TPGS2: variants seen among roughly 807,000 people sequenced by gnomAD.
TPGS2 encodes polyglutamylase subunit 2.
Under a neutral mutation model 31.1 loss-of-function variants are expected in TPGS2, and 26 were observed. That is an observed-to-expected ratio of 0.84 (90% CI 0.61 to 1.16). TPGS2 has a LOEUF of 1.16. TPGS2 is among the 50% of genes most tolerant of loss of function. The pLI, the probability that TPGS2 is intolerant of heterozygous loss-of-function variation, is 0.00. For synonymous variants in TPGS2, 130 were observed against 136.6 expected, an observed-to-expected ratio of 0.95 and a Z score of 0.34; for missense variants, 351 against 363.8, an observed-to-expected ratio of 0.96 and a Z score of 0.29.
At chr18:36,826,188 C>T (rs2046127113) in intron 1 of TPGS2, among the ~76,000 whole-genome samples, 1 of 152,014 alleles carries the variant, frequency 6.6e-6, no homozygotes, top group African/African-American at 2.4e-5. Flanking sequence ...AGGCATGCAC[C>T]ACCACACATG....
chr18:36,796,820 G>A lies in TPGS2; in HGVS notation c.888C>T (p.Asn296=). ...GGAGGGGTGCTCACTTCCGGGTGGG[G>A]TTTCCAGAGCCAGAGGAGGATTTAG... The part of the protein sequence containing the change: ...STSKSSSGSG[N]PTRK The change falls in exon 7 of 7, where the codon AAC becomes AAT. Residue 296 remains asparagine (N), a synonymous_variant. Coordinates refer to ENST00000334295, the MANE Select transcript of TPGS2 (RefSeq NM_015476.4). The A allele has an allele frequency of 2.5e-6, 4 of 1,595,088 alleles. No homozygotes were observed. Among genetic ancestry groups the A allele is most frequent in the Non-Finnish European group, 3.4e-6 (4 of 1,174,784 alleles).
In TPGS2 at chr18:36,818,974, C is replaced by T; in HGVS notation, c.86-1G>A. ...ACCTCAGTCACACCTGGGGAAGATTCTGGAAGAGAAAAAAGAGTCTGTAGA... is the reference window on the plus strand; with the variant it reads ...ACCTCAGTCACACCTGGGGAAGATTTTGGAAGAGAAAAAAGAGTCTGTAGA... On this transcript the variant is annotated splice_acceptor_variant, in intron 1 of 6. Transcript: ENST00000334295. LOFTEE classifies it high-confidence loss of function. 6.2e-7 allele frequency: 1 copy of T among 1,611,104 alleles called. No individual in the cohort carries two copies. Among genetic ancestry groups the T allele is most frequent in the South Asian group, 1.1e-5 (1 of 90,616 alleles).
chr18:36,796,574 C>T lies in TPGS2; in HGVS notation c.*231G>A, dbSNP rs897770408. ...GCACTCAGACTTATTTGGGCACTTA[C>T]ACAAGATTCCAAATTCCCCATTGCT... On this transcript the variant is annotated 3_prime_UTR_variant, in exon 7 of 7. Coordinates refer to ENST00000334295, the MANE Select transcript of TPGS2 (RefSeq NM_015476.4). The T allele has an allele frequency of 7.6e-7, 1 of 1,319,192 alleles. No homozygotes were observed. The highest frequency in any genetic ancestry group is 9.6e-7 in the Non-Finnish European group (1 of 1,041,430). The allele number at this position is 1,319,192 out of a possible 1,614,324, so 81.7% of individuals were successfully genotyped here. A position where few individuals can be genotyped will look rare whatever the true frequency, so the allele number is the denominator to read the frequency against.
intron 4 of TPGS2, among the ~76,000 whole-genome samples, chr18:36,802,943 A>C (rs2044905796): frequency 6.6e-6 from 1 of 152,024 alleles, no homozygotes; most frequent in African/African-American, 2.4e-5. Flanking sequence ...TTCTTGATTA[A>C]AATTTTTTTA....
rs1454438926 is a variant in TPGS2 at position 36,796,353 on chromosome 18, A to G, written c.*452T>C. On this transcript the variant is annotated 3_prime_UTR_variant, in exon 7 of 7. Transcript: ENST00000334295. ...TCTACCAGCCACATGAATACTCAAA[A>G]TGTGGCTAATGCAATTGAAGAAATG... 6 of 973,752 alleles carry G rather than the reference A, an allele frequency of 6.2e-6. No individual in the cohort carries two copies. The highest frequency in any genetic ancestry group is 7.3e-6 in the Non-Finnish European group (6 of 819,262). 60.3% of individuals were successfully genotyped at this position (973,752 alleles called of 1,614,324 possible). A position where few individuals can be genotyped will look rare whatever the true frequency, so the allele number is the denominator to read the frequency against.
chr18:36,796,608 CAGGGG>C lies in TPGS2; in HGVS notation c.*192_*196del. 1 of 1,342,818 alleles carries C rather than the reference CAGGGG, an allele frequency of 7.4e-7. No individual in the cohort carries two copies. Among genetic ancestry groups the C allele is most frequent in the Admixed American group, 4.0e-5 (1 of 24,720 alleles). 83.2% of individuals were successfully genotyped at this position (1,342,818 alleles called of 1,614,324 possible). ...CCAAATTCCCCATTGCTTCCAGAGGCAGGGGACAGCACAACCTGCTCTGGAGGCCT... is the reference window on the plus strand; with the variant it reads ...CCAAATTCCCCATTGCTTCCAGAGGCACAGCACAACCTGCTCTGGAGGCCT... On this transcript the variant is annotated 3_prime_UTR_variant, in exon 7 of 7. Transcript: ENST00000334295.
intron 1 of TPGS2, 51 bp downstream of exon 1, chr18:36,828,632 C>T: frequency 6.2e-7 from 1 of 1,601,462 alleles, no homozygotes. Flanking sequence ...TCCCTCCGCT[C>T]CTCCTTCCTT....
chr18:36,788,310 G>C (rs2044193688), intron 6 of TPGS2, among the ~76,000 whole-genome samples: 1 of 152,182 alleles, frequency 6.6e-6, no homozygotes, highest in Non-Finnish European at 1.5e-5. Flanking sequence ...CCCAGAACCT[G>C]TGTAGCCAGG....
intron 6 of TPGS2, 138 bp from the exon 7 acceptor site, chr18:36,797,188 T>G: frequency 2.0e-6 from 3 of 1,492,108 alleles, no homozygotes; most frequent in Non-Finnish European, 2.7e-6. Flanking sequence ...AAAATCTATT[T>G]GCTCTTCCTT....
At chr18:36,805,222 T>C (rs2150595333) in intron 4 of TPGS2, 152 bp downstream of exon 4, 2 of 900,500 alleles carry the variant, frequency 2.2e-6, no homozygotes, top group East Asian at 5.4e-5. Context: ...ATTTAGATTG[T>C]CATGTTCCCT....
rs988581478 is a variant in TPGS2 at position 36,795,167 on chromosome 18, T to TATC, written c.*1635_*1637dup. 131 of 985,416 alleles carry TATC rather than the reference T, an allele frequency of 1.3e-4. No individual in the cohort carries two copies. The African/African-American group carries it at 2.0e-3, about 15-fold the overall frequency. The allele number at this position is 985,416 out of a possible 1,614,324, so 61.0% of individuals were successfully genotyped here. A position where few individuals can be genotyped will look rare whatever the true frequency, so the allele number is the denominator to read the frequency against. On this transcript the variant is annotated 3_prime_UTR_variant, in exon 7 of 7. Transcript: ENST00000334295. The stretch of plus-strand genomic sequence containing the variant: ...GATATCGAAGGCGCTTTCTCATGAA[T>TATC]ATCTATCACTATTGTCAACAATCAA...
At chr18:36,805,532 A>T in intron 3 of TPGS2, 30 bp from the exon 4 acceptor site, 1 of 1,613,368 alleles carries the variant, frequency 6.2e-7, no homozygotes, top group South Asian at 1.1e-5. Context: ...GGAGAATTAC[A>T]TGGAGTAACA....
In TPGS2 at chr18:36,818,882, G is replaced by C; in HGVS notation, c.165+12C>G. On this transcript the variant is annotated intron_variant, in intron 2 of 6. Transcript: ENST00000334295. ...CTTTGATGGGAGGTAGAGTTCATGT[G>C]GCAACACTTACTTGTTCCCAGGAAG... The C allele has an allele frequency of 6.2e-7, 1 of 1,611,950 alleles. No individual in the cohort carries two copies. The highest frequency in any genetic ancestry group is 8.5e-7 in the Non-Finnish European group (1 of 1,178,602).
intron 4 of TPGS2, 53 bp downstream of exon 4, chr18:36,805,321 A>T: frequency 3.1e-6 from 5 of 1,598,600 alleles, no homozygotes; most frequent in Non-Finnish European, 4.3e-6. Context: ...ACTATGCGCC[A>T]GGCATGGAGC....
chr18:36,783,108 T>A, exon 7 of TPGS2: 1 of 398,508 alleles, frequency 2.5e-6, no homozygotes, highest in East Asian at 3.6e-5. Flanking sequence ...GAGGACTAGA[T>A]CCATCAAAAA....
chr18:36,810,085 T>C (rs1039763513), intron 2 of TPGS2, among the ~76,000 whole-genome samples: 1 of 152,116 alleles, frequency 6.6e-6, no homozygotes, highest in African/African-American at 2.4e-5. Flanking sequence ...ATGAAAAACA[T>C]CAATCCCTCA....
intron 4 of TPGS2, among the ~76,000 whole-genome samples, chr18:36,803,582 A>G (rs1372090902): frequency 3.3e-5 from 5 of 151,568 alleles, no homozygotes; most frequent in Non-Finnish European, 7.4e-5. Flanking sequence ...CTCTTTTTTG[A>G]GCACCCATAA....
intron 2 of TPGS2, among the ~76,000 whole-genome samples, chr18:36,818,166 C>A (rs887345930): frequency 6.6e-6 from 1 of 152,174 alleles, no homozygotes; most frequent in African/African-American, 2.4e-5. Context: ...CTTCCTAGAT[C>A]CCATCTACCT....
intron 1 of TPGS2, among the ~76,000 whole-genome samples, chr18:36,820,751 T>C (rs2045857819): frequency 2.6e-5 from 4 of 152,240 alleles, no homozygotes; most frequent in African/African-American, 9.6e-5. Flanking sequence ...CTTAGTAGCC[T>C]ATCATTTTGG....
Sources: allele counts gnomAD v4.1 joint callset (sites outside exome capture counted in the v4.1 genomes callset), GRCh38; gene constraint gnomAD v4.1.1; transcripts MANE v1.5; gene names NCBI Gene and HGNC (gene_info 2026-07-23, HGNC 2026-07-21).